Variants in PCDHA1 observed in about 807,000 individuals in gnomAD.
PCDHA1 encodes the protein protocadherin alpha-1.
Under a neutral mutation model 61.3 loss-of-function variants are expected in PCDHA1, and 42 were observed. The observed-to-expected ratio is 0.69, with a 90% confidence interval of 0.54 to 0.89. PCDHA1 has a LOEUF of 0.89. PCDHA1 is among the 40% of genes least tolerant of loss of function. The pLI is 0.00. For missense variants in PCDHA1, 1,256 were observed against 1,235.3 expected (o/e 1.02, Z -0.25); for synonymous variants, 610 against 553.8 (o/e 1.10, Z -1.43).
intron 1 of PCDHA1, among the ~76,000 whole-genome samples, chr5:140,939,008 T>C (rs1348323675): frequency 6.6e-6 from 1 of 152,234 alleles, no homozygotes; most frequent in Non-Finnish European, 1.5e-5. Context: ...TTAAGAAGTG[T>C]TACTTTTCTT....
chr5:140,797,213 A>C, intron 1 of PCDHA1: 2 of 1,614,066 alleles, frequency 1.2e-6, no homozygotes, highest in Non-Finnish European at 1.7e-6. Flanking sequence ...AGCTGGTCTT[A>C]CTCGCAGCAG....
At position 140,794,985 on chromosome 5, in the gene PCDHA1, G is replaced by A. The variant is rs782791166; in HGVS notation, c.2394+6301G>A. 2.2e-5 allele frequency: 35 copies of A among 1,612,296 alleles called. No homozygotes were observed. In the South Asian group the frequency reaches 3.3e-4, roughly 15 times the overall value. Reference sequence around the variant, plus strand: ...TGGTAATGGCGTCTTCTATCAGAAGGGGCCGAGGGGCCTGGACACGGCTGC... The same window carrying A: ...TGGTAATGGCGTCTTCTATCAGAAGAGGCCGAGGGGCCTGGACACGGCTGC... On this transcript the variant is annotated intron_variant, in intron 1 of 3. Transcript: ENST00000504120.
intron 1 of PCDHA1, chr5:140,968,903 A>G: frequency 6.2e-7 from 1 of 1,614,216 alleles, no homozygotes; most frequent in Non-Finnish European, 8.5e-7. Context: ...AATAGCATTA[A>G]GCACAGTGTC....
chr5:140,884,403 T>C, intron 1 of PCDHA1: 1 of 1,613,992 alleles, frequency 6.2e-7, no homozygotes, highest in African/African-American at 1.3e-5. Context: ...AGCCTGTTGG[T>C]GCTCACGTTG....
intron 1 of PCDHA1, chr5:140,812,734 C>T (rs148914019): frequency 6.6e-6 from 1 of 152,384 alleles, no homozygotes; most frequent in Non-Finnish European, 1.5e-5. Flanking sequence ...ACTGGGATTA[C>T]AGGCGTGAGC....
At chr5:140,823,546 G>A in intron 1 of PCDHA1, 1 of 1,613,872 alleles carries the variant, frequency 6.2e-7, no homozygotes. Flanking sequence ...CCACGTGGTG[G>A]CGAAGGTGCG....
chr5:140,882,046 TACTTAC>T lies in PCDHA1; in HGVS notation c.2394+93371_2394+93376del, dbSNP rs2058922100. The T allele has an allele frequency of 1.6e-5, 12 of 728,060 alleles. No homozygotes were observed. In the South Asian group the frequency reaches 2.5e-4, roughly 15 times the overall value. 45.1% of individuals were successfully genotyped at this position (728,060 alleles called of 1,614,324 possible). ...AATGGAAAATATGAAGACTGAGTCA[TACTTAC>T]ACTTACACGTTCATGCGCATGGTGT... is the stretch of plus-strand genomic sequence containing the variant. On this transcript the variant is annotated intron_variant, in intron 1 of 3. Coordinates refer to ENST00000504120, the MANE Select transcript of PCDHA1 (RefSeq NM_018900.4).
chr5:141,003,685 A>G (rs782131958), intron 3 of PCDHA1, among the ~76,000 whole-genome samples: 12 of 152,198 alleles, frequency 7.9e-5, no homozygotes, highest in Non-Finnish European at 1.2e-4. Flanking sequence ...TCTGATTTTA[A>G]AATATATCCC....
rs576221086 is a variant in PCDHA1, at chr5:140,933,031, A to G, written c.2395-45918A>G. Among the ~76,000 whole-genome samples, 5 of 152,154 alleles carry G rather than the reference A, an allele frequency of 3.3e-5. No individual in the cohort carries two copies. The South Asian group carries it at 6.2e-4, about 19-fold the overall frequency. ...AATATTAACACTTGGCAGAACTTCAAGTGAATATGGATTACAGTCCAGGAT... is the reference window on the plus strand; with the variant it reads ...AATATTAACACTTGGCAGAACTTCAGGTGAATATGGATTACAGTCCAGGAT... On this transcript the variant is annotated intron_variant, in intron 1 of 3. Coordinates refer to ENST00000504120, the MANE Select transcript of PCDHA1 (RefSeq NM_018900.4).
intron 1 of PCDHA1, among the ~76,000 whole-genome samples, chr5:140,926,202 G>T (rs1194252332): frequency 6.6e-6 from 1 of 151,658 alleles, no homozygotes; most frequent in East Asian, 1.9e-4. Flanking sequence ...TTCTTTCGGG[G>T]GGCTCCTGTT....
intron 1 of PCDHA1, chr5:140,967,123 C>A (rs1554229191): frequency 4.3e-6 from 7 of 1,612,606 alleles, no homozygotes; most frequent in African/African-American, 2.7e-5. Context: ...GCTGCCTGCT[C>A]AGCTTGGAAG....
chr5:140,933,734 T>C (rs1355766834), intron 1 of PCDHA1, among the ~76,000 whole-genome samples: 2 of 152,062 alleles, frequency 1.3e-5, no homozygotes, highest in Admixed American at 6.5e-5. Flanking sequence ...CTTTCTTAAA[T>C]ATTTGGTAGA....
chr5:140,964,880 C>T (rs2095860447), intron 1 of PCDHA1, among the ~76,000 whole-genome samples: 1 of 152,168 alleles, frequency 6.6e-6, no homozygotes, highest in Admixed American at 6.5e-5. Context: ...TAAGAAGCAG[C>T]AGTGATAGGA....
At chr5:140,812,827 TTTTG>T (rs1301120127) in intron 1 of PCDHA1, 1 of 152,222 alleles carries the variant, frequency 6.6e-6, no homozygotes, top group Non-Finnish European at 1.5e-5. Flanking sequence ...GTGTTTTCAT[TTTTG>T]TTTATCTTAA....
intron 1 of PCDHA1, among the ~76,000 whole-genome samples, chr5:140,892,059 G>A (rs1165045634): frequency 6.6e-6 from 1 of 152,108 alleles, no homozygotes; most frequent in African/African-American, 2.4e-5. Context: ...CAAATTTATT[G>A]TTACTTTGTA....
At chr5:140,797,391 T>G (rs374548717) in intron 1 of PCDHA1, 2 of 1,582,350 alleles carry the variant, frequency 1.3e-6, no homozygotes, top group African/African-American at 1.4e-5. Context: ...CTAAAATTGT[T>G]CTTTTTAAAA....
At chr5:140,848,190 T>C in intron 1 of PCDHA1, 1 of 291,738 alleles carries the variant, frequency 3.4e-6, no homozygotes, top group South Asian at 6.2e-5. Flanking sequence ...CGGGATCTTC[T>C]GTTTCAACAA....
At chr5:140,830,292 C>G in intron 1 of PCDHA1, 2 of 1,613,830 alleles carry the variant, frequency 1.2e-6, no homozygotes, top group Non-Finnish European at 1.7e-6. Context: ...GCGTGCACGG[C>G]GGACAAGCCC....
intron 1 of PCDHA1, chr5:140,928,053 G>C: frequency 6.2e-7 from 1 of 1,614,212 alleles, no homozygotes; most frequent in Non-Finnish European, 8.5e-7. Context: ...CTTTTCAGCT[G>C]ACGGCTTCCT....
Sources: allele counts gnomAD v4.1 joint callset (sites outside exome capture counted in the v4.1 genomes callset), GRCh38; gene constraint gnomAD v4.1.1; transcripts MANE v1.5; gene names NCBI Gene and HGNC (gene_info 2026-07-23, HGNC 2026-07-21).